Variants in DYNC1I1 observed in about 807,000 individuals in gnomAD.
The protein encoded by DYNC1I1 is dynein cytoplasmic 1 intermediate chain 1.
A neutral mutation model predicts 86.6 loss-of-function variants in DYNC1I1; 43 were observed. The ratio of observed to expected loss-of-function variants is 0.50; its 90% CI spans 0.39 to 0.64. The LOEUF (loss-of-function observed/expected upper bound fraction) is 0.64. Among genes scored for constraint, DYNC1I1 ranks in the 30% least tolerant of loss-of-function variants. DYNC1I1 has a pLI of 0.00. For missense variants in DYNC1I1, 604 were observed against 788.8 expected (o/e 0.77, Z 2.81); for synonymous variants, 262 against 283.7 (o/e 0.92, Z 0.77).
At position 95,810,498 on chromosome 7, in the gene DYNC1I1, C is replaced by T. The variant is rs760856913; in HGVS notation, c.215C>T (p.Pro72Leu). The T allele has an allele frequency of 8.1e-6, 13 of 1,611,430 alleles. No individual in the cohort carries two copies. The highest frequency in any genetic ancestry group is 6.7e-5 in the Admixed American group (4 of 59,618). The change falls in exon 3 of 17, where the codon CCG becomes CTG. Residue 72 changes from proline to leucine, a missense_variant. Coordinates refer to ENST00000447467, the MANE Select transcript of DYNC1I1 (RefSeq NM_001135556.2). ...CAAAGCATTGGTATCTCACCGGAGC[C>T]GCCTCTAGGTACTTAAAAGTGCTTC... ...LLQSIGISPE[P>L]PLVPTPMSPS...
At chr7:95,780,476 C>T (rs1487104080) in intron 1 of DYNC1I1, among the ~76,000 whole-genome samples, 6 of 141,282 alleles carry the variant, frequency 4.2e-5, no homozygotes, top group Non-Finnish European at 9.2e-5. Context: ...GACGGGGTTT[C>T]ACCATGTTAG....
chr7:95,830,386 T>TC (rs1367785861), intron 5 of DYNC1I1, among the ~76,000 whole-genome samples: 1 of 152,102 alleles, frequency 6.6e-6, no homozygotes, highest in Non-Finnish European at 1.5e-5. Flanking sequence ...TTCTTCCCTA[T>TC]CCCCCAAACA....
chr7:95,994,146 C>A lies in DYNC1I1; in HGVS notation c.844-1802C>A, dbSNP rs541705288. On this transcript the variant is annotated intron_variant, in intron 9 of 16. Coordinates refer to ENST00000447467, the MANE Select transcript of DYNC1I1 (RefSeq NM_001135556.2). ...TTTAATTATTAGCATTGTTTGACAA[C>A]AAAGGATGATATATAAAGCCTTTCT... Among the ~76,000 whole-genome samples the A allele has an allele frequency of 3.3e-5, 5 of 152,136 alleles. No homozygotes were observed. The South Asian group carries it at 1.0e-3, about 32-fold the overall frequency.
intron 6 of DYNC1I1, among the ~76,000 whole-genome samples, chr7:95,881,843 TCAGATAGTTCTCTGGA>T (rs1790463008): frequency 6.6e-6 from 1 of 152,240 alleles, no homozygotes; most frequent in African/African-American, 2.4e-5. Flanking sequence ...TGGTCATGCA[TCAGATAGTTCTCTGGA>T]TAATATTAGT....
At chr7:96,016,111 T>C (rs1324068098) in intron 10 of DYNC1I1, among the ~76,000 whole-genome samples, 1 of 152,126 alleles carries the variant, frequency 6.6e-6, no homozygotes, top group African/African-American at 2.4e-5. Flanking sequence ...TCACTTCTTA[T>C]TGTCTTGCCC....
intron 11 of DYNC1I1, among the ~76,000 whole-genome samples, chr7:96,029,705 G>A (rs548054011): frequency 6.6e-6 from 1 of 152,222 alleles, no homozygotes; most frequent in South Asian, 2.1e-4. Flanking sequence ...CACTTGAGGG[G>A]TTCGAGACCA....
At chr7:95,889,381 C>A (rs924748214) in intron 6 of DYNC1I1, among the ~76,000 whole-genome samples, 4 of 152,052 alleles carry the variant, frequency 2.6e-5, no homozygotes, top group African/African-American at 9.7e-5. Flanking sequence ...AGTTCTGGGA[C>A]AACTGGCTTA....
At chr7:95,964,127 G>A (rs1384686306) in intron 6 of DYNC1I1, among the ~76,000 whole-genome samples, 7 of 152,160 alleles carry the variant, frequency 4.6e-5, no homozygotes, top group Admixed American at 1.3e-4. Flanking sequence ...TCTTCCTTGA[G>A]AATCTGACTG....
At chr7:95,812,436 T>C (rs1299481094) in intron 3 of DYNC1I1, among the ~76,000 whole-genome samples, 1 of 152,140 alleles carries the variant, frequency 6.6e-6, no homozygotes, top group Admixed American at 6.6e-5. Flanking sequence ...TTTCTTTTAT[T>C]ATGCCTGCTC....
chr7:96,109,872 G>A, intron 16 of DYNC1I1: 1 of 202,752 alleles, frequency 4.9e-6, no homozygotes, highest in South Asian at 6.3e-5. Flanking sequence ...TTGTAGGGTG[G>A]AGTGTTCTAA....
At chr7:95,804,581 C>A in intron 1 of DYNC1I1, 140 bp from the exon 2 acceptor site, 1 of 1,034,262 alleles carries the variant, frequency 9.7e-7, no homozygotes, top group Non-Finnish European at 1.3e-6. Context: ...GATTCTTTCA[C>A]ATAGGCTAAA....
intron 16 of DYNC1I1, among the ~76,000 whole-genome samples, chr7:96,083,952 A>G (rs527495476): frequency 6.6e-6 from 1 of 152,350 alleles, no homozygotes; most frequent in South Asian, 2.1e-4. Flanking sequence ...TAGGTTTTTT[A>G]GAGCACACAA....
chr7:96,010,504 G>A (rs1197904782), intron 10 of DYNC1I1, among the ~76,000 whole-genome samples: 1 of 152,160 alleles, frequency 6.6e-6, no homozygotes, highest in Non-Finnish European at 1.5e-5. Context: ...TCCTTGCTGT[G>A]GAATGAAACC....
chr7:95,816,951 TATAC>T (rs2115862751), intron 4 of DYNC1I1, among the ~76,000 whole-genome samples: 1 of 152,326 alleles, frequency 6.6e-6, no homozygotes, highest in South Asian at 2.1e-4. Flanking sequence ...TTACGCTTTT[TATAC>T]ATAAGAGTGA....
intron 16 of DYNC1I1, among the ~76,000 whole-genome samples, chr7:96,093,062 A>G (rs1456206693): frequency 6.6e-6 from 1 of 152,208 alleles, no homozygotes. Flanking sequence ...ACATCCTCAC[A>G]TAACAATCAG....
rs141111177 is a variant in DYNC1I1 at position 95,957,775 on chromosome 7, A to G, written c.491-19737A>G. Among the ~76,000 whole-genome samples the G allele has an allele frequency of 7.2e-5, 11 of 152,322 alleles. No homozygotes were observed. The East Asian group carries it at 2.1e-3, about 29-fold the overall frequency. On this transcript the variant is annotated intron_variant, in intron 6 of 16. Coordinates refer to ENST00000447467, the MANE Select transcript of DYNC1I1 (RefSeq NM_001135556.2). The stretch of plus-strand genomic sequence containing the variant: ...ATTTATAAGAAAGGACACACCCGGG[A>G]GTAGGCTCTGAAAGGGGTGAAGAGC...
intron 6 of DYNC1I1, among the ~76,000 whole-genome samples, chr7:95,975,563 C>A (rs1485770159): frequency 1.3e-5 from 2 of 152,142 alleles, no homozygotes; most frequent in Non-Finnish European, 1.5e-5. Flanking sequence ...TCCATTATAA[C>A]CTCATTTGAA....
chr7:96,104,659 TTG>T (rs1791188132), intron 16 of DYNC1I1, among the ~76,000 whole-genome samples: 1 of 152,150 alleles, frequency 6.6e-6, no homozygotes, highest in Non-Finnish European at 1.5e-5. Context: ...ATTAGCATTC[TTG>T]GTAGAAAAAC....
intron 6 of DYNC1I1, among the ~76,000 whole-genome samples, chr7:95,874,848 T>G (rs904072413): frequency 3.9e-5 from 6 of 152,156 alleles, no homozygotes; most frequent in African/African-American, 1.4e-4. Flanking sequence ...AGCCACCCAG[T>G]TTATGCTATT....
Sources: gnomAD v4.1 joint callset for allele counts (sites outside exome capture counted in the v4.1 genomes callset) on GRCh38, gnomAD v4.1.1 for gene constraint, MANE v1.5 for transcripts, NCBI Gene and HGNC (gene_info 2026-07-23, HGNC 2026-07-21) for gene names.